The following ARHGAP4 variants were observed in gnomAD, a reference collection of about 807,000 sequenced individuals.
The protein encoded by ARHGAP4 is rho GTPase-activating protein 4.
A neutral mutation model predicts 67.6 loss-of-function variants in ARHGAP4; 25 were observed. The ratio of observed to expected loss-of-function variants is 0.37; its 90% CI spans 0.27 to 0.52. ARHGAP4 has a LOEUF of 0.52. Among genes scored for constraint, ARHGAP4 ranks in the 20% least tolerant of loss-of-function variants. The pLI, the probability that ARHGAP4 is intolerant of heterozygous loss-of-function variation, is 0.92. For missense variants in ARHGAP4, 804 were observed against 854.6 expected, an observed-to-expected ratio of 0.94 and a Z score of 0.74; for synonymous variants, 448 against 373.7, an observed-to-expected ratio of 1.20 and a Z score of -2.29.
At chrX:153,920,888 T>C in intron 4 of ARHGAP4, 80 bp from the exon 5 acceptor site, 1 of 1,140,371 alleles carries the variant, frequency 8.8e-7, no homozygotes, top group Non-Finnish European at 1.2e-6. Context: ...CCTGCCCCTC[T>C]GGAACTTGGA....
chrX:153,912,722 C>T lies in ARHGAP4; in HGVS notation c.1520G>A (p.Gly507Glu), dbSNP rs974268010. 19 of 1,210,140 alleles carry T rather than the reference C, an allele frequency of 1.6e-5. No homozygotes were observed. The highest frequency in any genetic ancestry group is 2.1e-5 in the Non-Finnish European group (19 of 894,443). Residue 507 changes from glycine to glutamate, a missense_variant, in exon 12 of 22, where the codon GGA becomes GAA. Around this residue, in one of 2 missense-constraint regions of ARHGAP4, gnomAD observed 404 missense variants for 505.9 expected, o/e 0.80. Transcript: ENST00000350060. ...TACCTGGATAAACTTCTCCATGTCT[C>T]CCCCAAAGAGTCTCTGGTTATACTG... is the stretch of plus-strand genomic sequence containing the variant. ...SSQYNQRLFG[G>E]DMEKFIQSSG...
chrX:153,920,435 G>A (rs1472240905), intron 5 of ARHGAP4, 191 bp downstream of exon 5: 2 of 501,951 alleles, frequency 4.0e-6, no homozygotes, highest in Non-Finnish European at 6.4e-6. Context: ...GGCTGTCCAG[G>A]GCCAGGCAAC....
chrX:153,913,358 T>C, intron 9 of ARHGAP4, 51 bp downstream of exon 9: 1 of 1,206,722 alleles, frequency 8.3e-7, no homozygotes, highest in Non-Finnish European at 1.1e-6. Flanking sequence ...CCCCTCCCTC[T>C]GCCCCAGCAA....
rs781973357 is a variant in ARHGAP4 at position 153,909,812 on chromosome X, G to A, written c.2343C>T (p.Ser781=). ...CGTTGTGCTCCCCCCGCCACCAGTC[G>A]CTCGAGGCCCTCTCGTGCAGCCGCA... The part of the protein sequence containing the change: ...DVLRLHERAS[S]DWWRGEHNGM... Residue 781 remains serine (S), a synonymous_variant, in exon 19 of 22, where the codon AGC becomes AGT. Transcript: ENST00000350060. 50 of 1,201,456 alleles carry A rather than the reference G, an allele frequency of 4.2e-5. No homozygotes were observed. Among genetic ancestry groups the A allele is most frequent in the South Asian group, 2.5e-4 (14 of 55,542 alleles).
At chrX:153,925,819 G>T (rs1557106073) in intron 1 of ARHGAP4, among the ~76,000 whole-genome samples, 1 of 113,102 alleles carries the variant, frequency 8.8e-6, no homozygotes, top group Non-Finnish European at 1.9e-5. Flanking sequence ...CTTCTGAGGG[G>T]CACGTTGGTG....
chrX:153,919,361 C>T (rs1436668718), intron 5 of ARHGAP4, 78 bp from the exon 6 acceptor site: 6 of 1,200,325 alleles, frequency 5.0e-6, no homozygotes, highest in South Asian at 3.5e-5. Flanking sequence ...TAATGCCCAT[C>T]GCCTCCCCTC....
chrX:153,921,560 G>A (rs1378041149), intron 2 of ARHGAP4, 33 bp from the exon 3 acceptor site: 12 of 1,201,625 alleles, frequency 1.0e-5, no homozygotes, highest in African/African-American at 5.2e-5. Flanking sequence ...ACCTGGGAGC[G>A]GAGCTTGGGC....
At chrX:153,914,270 A>T in intron 7 of ARHGAP4, 1 of 207,239 alleles carries the variant, frequency 4.8e-6, no homozygotes, top group Non-Finnish European at 8.9e-6. Context: ...GAGAACGGGG[A>T]GTAGTGGCTC....
At chrX:153,923,088 G>A (rs1424669446) in intron 1 of ARHGAP4, among the ~76,000 whole-genome samples, 2 of 111,074 alleles carry the variant, frequency 1.8e-5, no homozygotes, top group South Asian at 3.8e-4. Flanking sequence ...CACAGAGCCC[G>A]GGGTCTGGGC....
In ARHGAP4 at chrX:153,909,486, C is replaced by T; in HGVS notation, c.2464G>A (p.Gly822Arg). Reference protein sequence around the residue: ...GAGLQTAGESGSSPEGLLASE... With the variant: ...GAGLQTAGESRSSPEGLLASE... ...GCCAGGAGGCCCTCGGGACTGCTCCCAGACTCCCCTGCAGTCTGCAGCCCT... is the reference window on the plus strand; with the variant it reads ...GCCAGGAGGCCCTCGGGACTGCTCCTAGACTCCCCTGCAGTCTGCAGCCCT... The change falls in exon 20 of 22, where the codon GGG becomes AGG. Residue 822 changes from glycine (G) to arginine (R), a missense_variant. Physicochemically the swap from Gly to Arg is moderately radical, Grantham distance 125 (BLOSUM62 -2). This residue lies in a region of ARHGAP4 where 400 missense variants were observed against 348.7 expected (regional missense o/e 1.15). Transcript: ENST00000350060. 1 of 1,210,068 alleles carries T rather than the reference C, an allele frequency of 8.3e-7. No homozygotes were observed. Among genetic ancestry groups the T allele is most frequent in the Non-Finnish European group, 1.1e-6 (1 of 894,700 alleles).
intron 7 of ARHGAP4, among the ~76,000 whole-genome samples, chrX:153,917,879 G>A (rs782315561): frequency 8.0e-5 from 9 of 112,486 alleles, no homozygotes; most frequent in Non-Finnish European, 1.5e-4. Flanking sequence ...CGTGGAATCC[G>A]GAAACAGAGC....
Position 153,921,600 on chromosome X carries a change from C to T in ARHGAP4, c.272+5G>A. ...CCGTGGCCCCCCTGCCAGCACATCA[C>T]CTACCGGAAGCTTTGGTGCTCCCGG... On this transcript the variant is annotated splice_donor_5th_base_variant and intron_variant, in intron 2 of 21. Coordinates refer to ENST00000350060, the MANE Select transcript of ARHGAP4 (RefSeq NM_001666.5). 1 of 1,209,019 alleles carries T rather than the reference C, an allele frequency of 8.3e-7. No individual in the cohort carries two copies. Among genetic ancestry groups the T allele is most frequent in the Admixed American group, 2.2e-5 (1 of 45,997 alleles).
chrX:153,910,417 G>A lies in ARHGAP4; in HGVS notation c.1923-13C>T, dbSNP rs373398335. 73 of 1,188,973 alleles carry A rather than the reference G, an allele frequency of 6.1e-5. No homozygotes were observed. The highest frequency in any genetic ancestry group is 3.5e-4 in the African/African-American group (20 of 56,818). ...GTACTGGGCCAGGCTGGGGGGACAC[G>A]CACATCACAAGCAGAGAGCCCGCAC... On this transcript the variant is annotated splice_polypyrimidine_tract_variant and intron_variant, in intron 16 of 21. Coordinates refer to ENST00000350060, the MANE Select transcript of ARHGAP4 (RefSeq NM_001666.5).
intron 1 of ARHGAP4, among the ~76,000 whole-genome samples, chrX:153,925,829 G>A (rs1942335848): frequency 8.8e-6 from 1 of 113,184 alleles, no homozygotes; most frequent in Non-Finnish European, 1.9e-5. Context: ...GCACGTTGGT[G>A]CATCTGGCTC....
intron 13 of ARHGAP4, 29 bp downstream of exon 13, chrX:153,911,100 G>A (rs782460243): frequency 4.3e-6 from 5 of 1,165,175 alleles, no homozygotes; most frequent in Admixed American, 5.2e-5. Flanking sequence ...TGGGTGCCAG[G>A]ACATCGGGAG....
In ARHGAP4 at chrX:153,919,069, G is replaced by C; in HGVS notation, c.811-16C>G. The C allele has an allele frequency of 8.3e-7, 1 of 1,209,806 alleles. No individual in the cohort carries two copies. The highest frequency in any genetic ancestry group is 1.1e-6 in the Non-Finnish European group (1 of 893,977). On this transcript the variant is annotated splice_polypyrimidine_tract_variant and intron_variant, in intron 6 of 21. Coordinates refer to ENST00000350060, the MANE Select transcript of ARHGAP4 (RefSeq NM_001666.5). ...TGTCACAGCACTGAGGAGGAAACAA[G>C]GAGATGCTTGGGTAGGTCCTGGAGC...
chrX:153,921,084 G>A lies in ARHGAP4; in HGVS notation c.498+13C>T, dbSNP rs1557105182. 8.3e-7 allele frequency: 1 copy of A among 1,200,338 alleles called. No homozygotes were observed. Among genetic ancestry groups the A allele is most frequent in the Non-Finnish European group, 1.1e-6 (1 of 888,901 alleles). ...GACCATTGGGGCAGGCCCCTCCCCA[G>A]CCCTTTCCTCACCGTCTGGAGCTCT... On this transcript the variant is annotated intron_variant, in intron 4 of 21. Coordinates refer to ENST00000350060, the MANE Select transcript of ARHGAP4 (RefSeq NM_001666.5).
In ARHGAP4 at chrX:153,913,385, G is replaced by A. The variant is rs201595337; in HGVS notation, c.1326+24C>T. 9.2e-4 allele frequency: 1,111 copies of A among 1,206,011 alleles called. 13 individuals are homozygous for A. The highest frequency in any genetic ancestry group is 2.3e-4 in the Middle Eastern group (1 of 4,347). On this transcript the variant is annotated intron_variant, in intron 9 of 21. Coordinates refer to ENST00000350060, the MANE Select transcript of ARHGAP4 (RefSeq NM_001666.5). ...CCCCAGCAATGCCCCCACGGGTCCCGCCCACCAGCCCAGCCCTCCCCACCG... is the reference window on the plus strand; with the variant it reads ...CCCCAGCAATGCCCCCACGGGTCCCACCCACCAGCCCAGCCCTCCCCACCG...
chrX:153,920,709 C>T lies in ARHGAP4; in HGVS notation c.598G>A (p.Val200Ile). Residue 200 changes from valine to isoleucine, a missense_variant, in exon 5 of 22, where the codon GTC becomes ATC. Coordinates refer to ENST00000350060, the MANE Select transcript of ARHGAP4 (RefSeq NM_001666.5). ...RQEEKRAGRS[V>I]PTTTAGATEA... ...GTGGCACCAGCGGTGGTGGTGGGGA[C>T]ACTCCGGCCTGCCCGCTTCTCCTCC... The T allele has an allele frequency of 8.3e-7, 1 of 1,211,757 alleles. No homozygotes were observed. The highest frequency in any genetic ancestry group is 1.1e-6 in the Non-Finnish European group (1 of 895,575).
Sources: gnomAD v4.1 joint callset for allele counts (sites outside exome capture counted in the v4.1 genomes callset) on GRCh38, gnomAD v4.1.1 for gene constraint, gnomAD v4.1.1 regional missense constraint, MANE v1.5 for transcripts, NCBI Gene and HGNC (gene_info 2026-07-23, HGNC 2026-07-21) for gene names.